KCNH5: variants seen among roughly 807,000 people sequenced by gnomAD.
KCNH5 encodes potassium voltage-gated channel subfamily H member 5.
KCNH5 carries 46 observed loss-of-function variants against 96.1 expected under a neutral mutation model. The observed-to-expected ratio is 0.48, with a 90% CI of 0.38 to 0.61. KCNH5 has a LOEUF of 0.61. KCNH5 is among the 20% of genes least tolerant of loss of function. The pLI is 0.00. For synonymous variants in KCNH5, 439 were observed against 449.8 expected, an observed-to-expected ratio of 0.98 and a Z score of 0.30; for missense variants, 907 against 1,225.8, an observed-to-expected ratio of 0.74 and a Z score of 3.88.
At chr14:62,799,726 T>TATAC (rs1213484157) in intron 9 of KCNH5, among the ~76,000 whole-genome samples, 1,282 of 68,396 alleles carry the variant, frequency 0.019, 10 homozygotes, top group Middle Eastern at 0.094. Flanking sequence ...TATATATATA[T>TATAC]ACACACACAC....
At chr14:62,993,299 G>T (rs898575042) in intron 4 of KCNH5, among the ~76,000 whole-genome samples, 2 of 151,806 alleles carry the variant, frequency 1.3e-5, no homozygotes, top group African/African-American at 4.8e-5. Flanking sequence ...GCTATTTGGG[G>T]TTTTTTTAGT....
At chr14:62,759,915 G>A (rs2139954413) in intron 10 of KCNH5, among the ~76,000 whole-genome samples, 1 of 152,230 alleles carries the variant, frequency 6.6e-6, no homozygotes, top group South Asian at 2.1e-4. Flanking sequence ...GAACGGCGGG[G>A]ATAGGCCCAT....
chr14:62,899,761 G>A (rs1166611301), intron 7 of KCNH5, among the ~76,000 whole-genome samples: 1 of 151,066 alleles, frequency 6.6e-6, no homozygotes, highest in African/African-American at 2.4e-5. Flanking sequence ...GTGAACCCGG[G>A]AGGCGGAGCT....
intron 8 of KCNH5, among the ~76,000 whole-genome samples, chr14:62,831,138 C>A (rs1887339836): frequency 6.6e-6 from 1 of 152,130 alleles, no homozygotes; most frequent in South Asian, 2.1e-4. Context: ...TGCTAGTGAA[C>A]CCTGGTGGCT....
At chr14:62,908,719 T>C (rs1229203217) in intron 7 of KCNH5, among the ~76,000 whole-genome samples, 1 of 151,278 alleles carries the variant, frequency 6.6e-6, no homozygotes, top group Non-Finnish European at 1.5e-5. Context: ...TTTTGGAAGA[T>C]TGTGCCCAGT....
intron 7 of KCNH5, among the ~76,000 whole-genome samples, chr14:62,871,301 T>C (rs930988196): frequency 2.6e-5 from 4 of 152,296 alleles, no homozygotes; most frequent in South Asian, 2.1e-4. Context: ...TAGGGTGCTA[T>C]AAGACGAACT....
intron 10 of KCNH5, among the ~76,000 whole-genome samples, chr14:62,715,142 T>C (rs1180308516): frequency 6.6e-6 from 1 of 152,252 alleles, no homozygotes. Flanking sequence ...GGACATTTGA[T>C]CATAAAAGTG....
chr14:62,802,117 A>C (rs1378117066), intron 9 of KCNH5, among the ~76,000 whole-genome samples: 1 of 152,140 alleles, frequency 6.6e-6, no homozygotes, highest in East Asian at 1.9e-4. Flanking sequence ...TTGCCAAAGA[A>C]AGTTTAATCA....
chr14:63,007,201 G>C (rs1256470260), intron 2 of KCNH5, among the ~76,000 whole-genome samples: 1 of 152,010 alleles, frequency 6.6e-6, no homozygotes, highest in Non-Finnish European at 1.5e-5. Context: ...AAGGATGAAG[G>C]TTTCCCAGAG....
intron 7 of KCNH5, among the ~76,000 whole-genome samples, chr14:62,899,963 TCAA>T (rs1888893315): frequency 6.6e-6 from 1 of 152,246 alleles, no homozygotes; most frequent in Non-Finnish European, 1.5e-5. Context: ...TATCTTGTAA[TCAA>T]CAACGACTTC....
chr14:63,019,228 A>G (rs891296491), intron 1 of KCNH5, among the ~76,000 whole-genome samples: 10 of 152,046 alleles, frequency 6.6e-5, no homozygotes, highest in African/African-American at 2.4e-4. Context: ...CAGTAGGAAT[A>G]CCTTTCTTGG....
intron 8 of KCNH5, among the ~76,000 whole-genome samples, chr14:62,817,250 CAT>C (rs892922578): frequency 1.4e-4 from 17 of 119,524 alleles, no homozygotes; most frequent in African/African-American, 2.8e-4. Context: ...TATAGTATAT[CAT>C]ATATATATAA....
chr14:62,846,562 G>A (rs912146005), intron 8 of KCNH5, among the ~76,000 whole-genome samples: 1 of 151,478 alleles, frequency 6.6e-6, no homozygotes, highest in Non-Finnish European at 1.5e-5. Context: ...TAGGTCATGA[G>A]TGAAGACCCT....
intron 6 of KCNH5, among the ~76,000 whole-genome samples, chr14:62,979,924 C>T (rs1177560352): frequency 2.0e-5 from 3 of 152,132 alleles, no homozygotes; most frequent in Non-Finnish European, 4.4e-5. Flanking sequence ...GTGTCCCCAC[C>T]CAAATCTCAT....
rs555511880 is a variant in KCNH5 at position 62,785,649 on chromosome 14, C to T, written c.1823-5725G>A. 1.2e-4 allele frequency among the ~76,000 whole-genome samples: 19 copies of T among 152,194 alleles called. No individual in the cohort carries two copies. The South Asian group carries it at 3.1e-3, about 25-fold the overall frequency. ...TTTCATCAAGTCTTATGAAGTATTT[C>T]ACTGTTAAACTACAGGAAAAAGGAT... On this transcript the variant is annotated intron_variant, in intron 9 of 10. Transcript: ENST00000322893.
intron 9 of KCNH5, among the ~76,000 whole-genome samples, chr14:62,787,656 T>C (rs1435828407): frequency 6.6e-6 from 1 of 152,156 alleles, no homozygotes; most frequent in Non-Finnish European, 1.5e-5. Flanking sequence ...TAGGCTAACT[T>C]GTTAGGGCCT....
intron 10 of KCNH5, among the ~76,000 whole-genome samples, chr14:62,709,037 A>G (rs1463891428): frequency 6.6e-6 from 1 of 151,638 alleles, no homozygotes; most frequent in African/African-American, 2.4e-5. Context: ...CGAGGTCAGG[A>G]GATCGAGACC....
At chr14:62,854,025 A>C (rs565668506) in intron 7 of KCNH5, among the ~76,000 whole-genome samples, 8 of 130,830 alleles carry the variant, frequency 6.1e-5, no homozygotes, top group South Asian at 4.6e-4. Flanking sequence ...AAAACAAAAA[A>C]AACAAAAAAA....
At chr14:63,025,671 C>G (rs1321051139) in intron 1 of KCNH5, among the ~76,000 whole-genome samples, 1 of 148,586 alleles carries the variant, frequency 6.7e-6, no homozygotes, top group East Asian at 2.0e-4. Context: ...GGTGAAAGAT[C>G]TATACACTGG....
Sources: gnomAD v4.1 joint callset for allele counts (sites outside exome capture counted in the v4.1 genomes callset) on GRCh38, gnomAD v4.1.1 for gene constraint, MANE v1.5 for transcripts, NCBI Gene and HGNC (gene_info 2026-07-23, HGNC 2026-07-21) for gene names.